GABRR3: variants seen among roughly 807,000 people sequenced by gnomAD.
The protein encoded by GABRR3 is gamma-aminobutyric acid receptor subunit rho-3.
GABRR3 carries 29 observed loss-of-function variants against 43.2 expected under a neutral mutation model. That is an observed-to-expected ratio of 0.67 (90% CI 0.50 to 0.92). The LOEUF (loss-of-function observed/expected upper bound fraction) is 0.92. Among genes scored for constraint, GABRR3 ranks in the 40% least tolerant of loss-of-function variants. The probability of loss-of-function intolerance (pLI) is 0.00; values close to 1 mark genes in which losing one functional copy is unlikely to be tolerated. For missense variants in GABRR3, 576 were observed against 572.3 expected, an observed-to-expected ratio of 1.01 and a Z score of -0.07; for synonymous variants, 206 against 195.9, an observed-to-expected ratio of 1.05 and a Z score of -0.43.
At chr3:98,027,784 C>T (rs1331019305) in intron 2 of GABRR3, among the ~76,000 whole-genome samples, 1 of 152,142 alleles carries the variant, frequency 6.6e-6, no homozygotes, top group Non-Finnish European at 1.5e-5. Context: ...TAGACATTTA[C>T]ATTTCTTCAT....
intron 3 of GABRR3, among the ~76,000 whole-genome samples, chr3:98,025,109 A>G (rs913022209): frequency 6.6e-6 from 1 of 152,224 alleles, no homozygotes; most frequent in Non-Finnish European, 1.5e-5. Flanking sequence ...CTAACACTTG[A>G]TCAATCTTAA....
At chr3:98,022,914 C>T (rs1284132047) in intron 3 of GABRR3, among the ~76,000 whole-genome samples, 1 of 152,050 alleles carries the variant, frequency 6.6e-6, no homozygotes, top group Non-Finnish European at 1.5e-5. Context: ...AGATCAAGCA[C>T]AGTGGAAATT....
intron 2 of GABRR3, among the ~76,000 whole-genome samples, chr3:98,030,535 TG>T (rs2107252765): frequency 6.6e-6 from 1 of 152,328 alleles, no homozygotes; most frequent in South Asian, 2.1e-4. Context: ...GACGTGAGCT[TG>T]GAAAAACAAA....
intron 3 of GABRR3, among the ~76,000 whole-genome samples, chr3:98,020,912 A>G (rs1576048172): frequency 7.5e-6 from 1 of 133,032 alleles, no homozygotes; most frequent in African/African-American, 2.9e-5. Context: ...CTCAGGCTGG[A>G]GTGCAGTGGT....
chr3:98,024,785 T>C (rs1042795067), intron 3 of GABRR3, among the ~76,000 whole-genome samples: 2 of 152,136 alleles, frequency 1.3e-5, no homozygotes, highest in Non-Finnish European at 2.9e-5. Context: ...AGCCAGAGAG[T>C]TTAACCTGAT....
At chr3:97,999,607 G>C (rs1025764714) in intron 8 of GABRR3, 1 of 151,838 alleles carries the variant, frequency 6.6e-6, no homozygotes, top group African/African-American at 2.4e-5. Context: ...AAAGAGAAAA[G>C]GAAAAAAAAG....
intron 2 of GABRR3, among the ~76,000 whole-genome samples, chr3:98,032,064 ATAG>A (rs1296212003): frequency 1.3e-4 from 2 of 15,784 alleles, no homozygotes; most frequent in Non-Finnish European, 2.9e-4. Context: ...TGTCTAGCAC[ATAG>A]TATAGTATAG....
chr3:98,021,432 C>T (rs1329593878), intron 3 of GABRR3, among the ~76,000 whole-genome samples: 1 of 152,076 alleles, frequency 6.6e-6, no homozygotes, highest in Non-Finnish European at 1.5e-5. Flanking sequence ...TGAGTTAGTA[C>T]CAAACTTCTG....
At chr3:98,014,790 GATT>G (rs1357400458) in intron 4 of GABRR3, among the ~76,000 whole-genome samples, 2 of 152,140 alleles carry the variant, frequency 1.3e-5, no homozygotes, top group Non-Finnish European at 2.9e-5. Flanking sequence ...TAGATGAAAA[GATT>G]ATTTGATTTT....
At chr3:98,009,029 A>G in exon 6 of GABRR3, 1 of 1,603,788 alleles carries the variant, frequency 6.2e-7, no homozygotes, top group Non-Finnish European at 8.5e-7. Flanking sequence ...ACATGGCCGA[A>G]ACCGTTATCC....
chr3:98,029,152 G>T (rs1412094419), intron 2 of GABRR3, among the ~76,000 whole-genome samples: 1 of 152,160 alleles, frequency 6.6e-6, no homozygotes, highest in East Asian at 1.9e-4. Context: ...CTCAATTCGT[G>T]GGAGAGCCTC....
intron 7 of GABRR3, 35 bp from the exon 8 acceptor site, chr3:98,001,802 G>C (rs750020706): frequency 1.2e-6 from 2 of 1,611,020 alleles, no homozygotes; most frequent in Non-Finnish European, 1.7e-6. Flanking sequence ...ATTAGAGCAA[G>C]CTTCCCCTTA....
At chr3:98,004,678 GAA>G (rs796540359) in intron 7 of GABRR3, among the ~76,000 whole-genome samples, 9 of 125,938 alleles carry the variant, frequency 7.1e-5, no homozygotes, top group African/African-American at 2.4e-4. Context: ...TGAAGGCCAA[GAA>G]AAAAAAAAAA....
intron 3 of GABRR3, among the ~76,000 whole-genome samples, chr3:98,022,093 A>T (rs1012407112): frequency 6.6e-6 from 1 of 152,208 alleles, no homozygotes; most frequent in African/African-American, 2.4e-5. Context: ...AGCAGCTTTT[A>T]TAACTTTAGC....
chr3:98,008,965 G>GTTCAAGAGAACAATTTTGAGT (rs1321246899), exon 6 of GABRR3: 1 of 1,600,712 alleles, frequency 6.2e-7, no homozygotes, highest in Non-Finnish European at 8.5e-7. Context: ...CAGCTTTCCA[G>GTTCAAGAGAACAATTTTGAGT]TTCAAGAGAA....
chr3:98,031,705 C>T (rs758772609), intron 2 of GABRR3, among the ~76,000 whole-genome samples: 13 of 151,620 alleles, frequency 8.6e-5, no homozygotes, highest in African/African-American at 1.7e-4. Flanking sequence ...ATTGGACCAC[C>T]GCACTCCAGC....
intron 9 of GABRR3, among the ~76,000 whole-genome samples, chr3:97,991,734 C>G (rs1228884263): frequency 1.3e-5 from 2 of 152,044 alleles, no homozygotes; most frequent in Non-Finnish European, 2.9e-5. Context: ...ATACTGGGGG[C>G]TGACAGGAAG....
rs566867550 is a variant in GABRR3, at chr3:97,996,761, A to G, written c.908-3713T>C. Among the ~76,000 whole-genome samples, 3 of 152,232 alleles carry G rather than the reference A, an allele frequency of 2.0e-5. No individual in the cohort carries two copies. The South Asian group carries it at 6.2e-4, about 32-fold the overall frequency. On this transcript the variant is annotated intron_variant, in intron 8 of 9. Coordinates refer to ENST00000621172, the Ensembl canonical transcript of GABRR3. ...AGAGACATAATCATATTTTTGACCC[A>G]TCACACATTCCAAGTTATGGTAGCT...
chr3:98,023,871 G>C (rs1391664846), intron 3 of GABRR3, among the ~76,000 whole-genome samples: 1 of 152,210 alleles, frequency 6.6e-6, no homozygotes, highest in Admixed American at 6.5e-5. Context: ...CTCCCGAGGA[G>C]CTCTCAAATT....
Sources: gnomAD v4.1 joint callset for allele counts (sites outside exome capture counted in the v4.1 genomes callset) on GRCh38, gnomAD v4.1.1 for gene constraint, MANE v1.5 for transcripts, NCBI Gene and HGNC (gene_info 2026-07-23, HGNC 2026-07-21) for gene names.